Variants in DPP6 observed in about 807,000 individuals in gnomAD.
DPP6 encodes the protein dipeptidyl peptidase like 6, also known as A-type potassium channel modulatory protein DPP6.
DPP6 carries 69 observed loss-of-function variants against 122.6 expected under a neutral mutation model. The observed-to-expected ratio is 0.56, with a 90% CI of 0.46 to 0.69. The LOEUF (loss-of-function observed/expected upper bound fraction) is 0.69, where lower values mean the gene tolerates loss of function less well. Among genes scored for constraint, DPP6 ranks in the 30% least tolerant of loss-of-function variants. The pLI, the probability that DPP6 is intolerant of heterozygous loss-of-function variation, is 0.00. For missense variants in DPP6, 928 were observed against 1,116.9 expected (o/e 0.83, Z 2.41); for synonymous variants, 418 against 433.1 (o/e 0.97, Z 0.43).
chr7:154,032,766 GAC>G (rs995404566), intron 1 of DPP6, among the ~76,000 whole-genome samples: 2 of 151,710 alleles, frequency 1.3e-5, no homozygotes, highest in Non-Finnish European at 2.9e-5. Context: ...TGTCTAAAGA[GAC>G]AAAAAAGATC....
intron 1 of DPP6, among the ~76,000 whole-genome samples, chr7:154,424,442 A>G (rs988625180): frequency 2.6e-5 from 4 of 152,194 alleles, no homozygotes; most frequent in African/African-American, 7.2e-5. Context: ...AGAGGCTTCT[A>G]CATGTCTTGG....
chr7:154,142,563 A>T (rs1755950811), intron 1 of DPP6, among the ~76,000 whole-genome samples: 1 of 152,180 alleles, frequency 6.6e-6, no homozygotes, highest in African/African-American at 2.4e-5. Context: ...TACAGTTTTC[A>T]TCAATATATT....
intron 5 of DPP6, among the ~76,000 whole-genome samples, chr7:154,568,145 C>T (rs1830880954): frequency 6.6e-6 from 1 of 152,218 alleles, no homozygotes; most frequent in Admixed American, 6.5e-5. Flanking sequence ...TAGACACAGC[C>T]TTAAACTTGC....
intron 1 of DPP6, among the ~76,000 whole-genome samples, chr7:154,011,421 TC>T (rs1294541438): frequency 2.0e-5 from 3 of 152,190 alleles, no homozygotes; most frequent in Non-Finnish European, 4.4e-5. Context: ...TTTGGGCCGT[TC>T]CATTGCACAA....
chr7:153,979,588 A>G (rs532376222), intron 1 of DPP6, among the ~76,000 whole-genome samples: 146 of 152,322 alleles, frequency 9.6e-4, no homozygotes, highest in African/African-American at 3.5e-3. Flanking sequence ...TATGTTGAAT[A>G]GGAGTGGTGA....
chr7:153,816,483 G>A, the DPP6 span, among the ~76,000 whole-genome samples: 10 of 152,134 alleles, frequency 6.6e-5, no homozygotes, highest in African/African-American at 2.4e-4. Flanking sequence ...ATTAAATATT[G>A]ACAACAGCAT....
intron 1 of DPP6, among the ~76,000 whole-genome samples, chr7:154,428,689 C>A (rs1235297838): frequency 6.6e-6 from 1 of 152,122 alleles, no homozygotes; most frequent in Non-Finnish European, 1.5e-5. Context: ...GAAATAATGT[C>A]TTTTGCAGCA....
chr7:154,302,269 AACTGTGCCGCATTTGTTCT>A (rs1410177366), intron 1 of DPP6, among the ~76,000 whole-genome samples: 3 of 152,166 alleles, frequency 2.0e-5, no homozygotes, highest in African/African-American at 2.4e-5. Flanking sequence ...ATAGAAGTGG[AACTGTGCCGCATTTGTTCT>A]TCTGTGCCTG....
At chr7:154,653,773 C>G (rs1206781688) in intron 6 of DPP6, among the ~76,000 whole-genome samples, 1 of 152,170 alleles carries the variant, frequency 6.6e-6, no homozygotes, top group African/African-American at 2.4e-5. Flanking sequence ...AAACTCATTT[C>G]TGCTTCCCCG....
At chr7:154,768,069 G>C (rs980509535) in intron 8 of DPP6, among the ~76,000 whole-genome samples, 1 of 152,216 alleles carries the variant, frequency 6.6e-6, no homozygotes, top group African/African-American at 2.4e-5. Flanking sequence ...CTTAGAGCCT[G>C]GCTCCTGCTC....
chr7:154,115,351 A>G (rs1354184544), intron 1 of DPP6, among the ~76,000 whole-genome samples: 7 of 152,234 alleles, frequency 4.6e-5, no homozygotes, highest in Non-Finnish European at 1.0e-4. Context: ...CTCAAAGCCA[A>G]ACAAGATGAA....
chr7:154,684,246 G>C (rs1337824362), intron 7 of DPP6, among the ~76,000 whole-genome samples: 5 of 149,910 alleles, frequency 3.3e-5, no homozygotes, highest in Non-Finnish European at 7.4e-5. Flanking sequence ...CCTCTGCTCT[G>C]TCCCCTGCCA....
rs140833989 is a variant in DPP6, at chr7:154,632,188, T to C, written c.628-5633T>C. 1.5e-4 allele frequency among the ~76,000 whole-genome samples: 23 copies of C among 152,354 alleles called. No homozygotes were observed. In the East Asian group the frequency reaches 4.4e-3, roughly 29 times the overall value. On this transcript the variant is annotated intron_variant, in intron 5 of 25. Coordinates refer to ENST00000377770, the MANE Select transcript of DPP6 (RefSeq NM_130797.4). ...ATTGGCGCAAGAGTAGGTTATGGTCTGTTTACACCTCCACTGGTTATAATT... is the reference window on the plus strand; with the variant it reads ...ATTGGCGCAAGAGTAGGTTATGGTCCGTTTACACCTCCACTGGTTATAATT...
intron 1 of DPP6, among the ~76,000 whole-genome samples, chr7:153,923,557 C>A (rs373731612): frequency 2.0e-5 from 3 of 151,896 alleles, no homozygotes; most frequent in African/African-American, 7.3e-5. Flanking sequence ...GTCAGGAGAT[C>A]GAGACCATCC....
At chr7:154,351,842 G>T (rs567421960) in intron 1 of DPP6, among the ~76,000 whole-genome samples, 21 of 152,206 alleles carry the variant, frequency 1.4e-4, no homozygotes, top group African/African-American at 5.1e-4. Context: ...GCACCGGCTT[G>T]TCTCAAGAAC....
intron 1 of DPP6, among the ~76,000 whole-genome samples, chr7:154,300,219 G>T (rs1265846796): frequency 6.6e-6 from 1 of 152,204 alleles, no homozygotes; most frequent in Non-Finnish European, 1.5e-5. Flanking sequence ...GGCTCCAGGG[G>T]GTACCTATGC....
intron 21 of DPP6, chr7:154,884,101 T>TGCTCACACACACATGCTCACCCAC (rs1563324309): frequency 3.5e-5 from 2 of 57,318 alleles, no homozygotes; most frequent in African/African-American, 9.2e-5. Flanking sequence ...TGCTCACCCA[T>TGCTCACACACACATGCTCACCCAC]ACACATGCTC....
chr7:154,173,693 A>G (rs1797651970), intron 1 of DPP6, among the ~76,000 whole-genome samples: 1 of 152,172 alleles, frequency 6.6e-6, no homozygotes, highest in South Asian at 2.1e-4. Flanking sequence ...CAGCTGCCAC[A>G]TCTGTGTTAT....
intron 6 of DPP6, among the ~76,000 whole-genome samples, chr7:154,652,662 T>A (rs768147217): frequency 9.2e-5 from 14 of 152,134 alleles, no homozygotes; most frequent in Non-Finnish European, 1.6e-4. Context: ...GCTGCGTCCC[T>A]GCTGTTCGTT....
Sources: allele counts gnomAD v4.1 joint callset (sites outside exome capture counted in the v4.1 genomes callset), GRCh38; gene constraint gnomAD v4.1.1; transcripts MANE v1.5; gene names NCBI Gene and HGNC (gene_info 2026-07-23, HGNC 2026-07-21).